The following LOXHD1 variants were observed in gnomAD, a reference collection of about 807,000 sequenced individuals.
LOXHD1 encodes lipoxygenase homology PLAT domains 1.
Under a neutral mutation model 248.2 loss-of-function variants are expected in LOXHD1, and 205 were observed. The ratio of observed to expected loss-of-function variants is 0.83; its 90% CI spans 0.74 to 0.93. LOXHD1 has a LOEUF of 0.93. Among genes scored for constraint, LOXHD1 ranks in the 40% least tolerant of loss-of-function variants. LOXHD1 has a pLI of 0.00. For synonymous variants in LOXHD1, 1,113 were observed against 1,162.8 expected, an observed-to-expected ratio of 0.96 and a Z score of 0.87; for missense variants, 2,930 against 2,971.6, an observed-to-expected ratio of 0.99 and a Z score of 0.33.
At chr18:46,518,300 C>A in intron 33 of LOXHD1, 44 bp from the exon 34 acceptor site, 2 of 1,542,842 alleles carry the variant, frequency 1.3e-6, no homozygotes, top group Non-Finnish European at 1.8e-6. Flanking sequence ...GCCTCACCCT[C>A]CAACCCCACC....
Position 46,601,385 on chromosome 18 carries a change from C to G in LOXHD1, c.966G>C (p.Gly322=), listed in dbSNP as rs114082868. ...TCCCACTGTTCTTATTCCCTCTGGC[C>G]CCATACATGACCAAGTAGATTTTGG... ...TKSKIYLVMY[G]ARGNKNSGKI... is the part of the protein sequence containing the mutation. Residue 322 remains glycine (G), a synonymous_variant, in exon 8 of 41, where the codon GGG becomes GGC. Transcript: ENST00000642948. 5,998 of 1,551,654 alleles carry G rather than the reference C, an allele frequency of 3.9e-3. 170 individuals carry two copies. The African/African-American group carries it at 0.067, about 17-fold the overall frequency.
chr18:46,560,252 CGAGGACTCCTCTGAT>C lies in LOXHD1; in HGVS notation c.2877_2891del (p.Ser963_Glu967del), dbSNP rs2144012615. On this transcript the variant is annotated inframe_deletion, in exon 19 of 41. Transcript: ENST00000642948. ...CTTCTTCCATCTCCTCCTCCTCTGA[CGAGGACTCCTCTGAT>C]GAGGACGACTCCTCTTCCTCCCCCT... 3 of 1,551,366 alleles carry C rather than the reference CGAGGACTCCTCTGAT, an allele frequency of 1.9e-6. No homozygotes were observed. Among genetic ancestry groups the C allele is most frequent in the Non-Finnish European group, 2.6e-6 (3 of 1,146,522 alleles).
intron 37 of LOXHD1, 149 bp downstream of exon 37, chr18:46,505,689 G>A (rs1209900205): frequency 2.6e-6 from 2 of 770,384 alleles, no homozygotes; most frequent in Non-Finnish European, 4.2e-6. Flanking sequence ...TCATACTGAT[G>A]GAAGCATCAA....
Position 46,560,351 on chromosome 18 carries a change from C to T in LOXHD1, c.2793G>A (p.Arg931=), listed in dbSNP as rs931874288. The T allele has an allele frequency of 1.9e-6, 3 of 1,552,400 alleles. No individual in the cohort carries two copies. The highest frequency in any genetic ancestry group is 2.6e-6 in the Non-Finnish European group (3 of 1,147,698). ...DKLRQLLKKE[R]LKAKLQRKKK... is the part of the protein sequence containing the mutation. ...TCTTCCTCTGCAGCTTGGCCTTCAG[C>T]CGCTCCTTCTTGAGCAGCTGCCGCA... The change falls in exon 19 of 41, where the codon CGG becomes CGA. Residue 931 remains arginine (R), a synonymous_variant. Coordinates refer to ENST00000642948, the MANE Select transcript of LOXHD1 (RefSeq NM_001384474.1).
Position 46,557,885 on chromosome 18 carries a change from A to G in LOXHD1, c.3217-396T>C, listed in dbSNP as rs189543761. 217 of 1,128,968 alleles carry G rather than the reference A, an allele frequency of 1.9e-4. 2 individuals carry two copies. In the African/African-American group the frequency reaches 3.3e-3, roughly 17 times the overall value. The allele number at this position is 1,128,968 out of a possible 1,614,324, so 69.9% of individuals were successfully genotyped here. ...TGTGTGCATAATCTGCTTCAATCAC[A>G]TATTTGTATTAAGTACCTGCTATGA... On this transcript the variant is annotated intron_variant, in intron 20 of 40. Coordinates refer to ENST00000642948, the MANE Select transcript of LOXHD1 (RefSeq NM_001384474.1).
At chr18:46,642,098 C>T in intron 2 of LOXHD1, 62 bp from the exon 3 acceptor site, 1 of 1,451,582 alleles carries the variant, frequency 6.9e-7, no homozygotes. Context: ...GGGAGGAGAG[C>T]CAAGGGCTGG....
chr18:46,508,963 G>T (rs796428426), intron 35 of LOXHD1, among the ~76,000 whole-genome samples: 1 of 152,158 alleles, frequency 6.6e-6, no homozygotes, highest in Non-Finnish European at 1.5e-5. Flanking sequence ...GCACAGAGCC[G>T]CACAGCTGGG....
intron 14 of LOXHD1, 90 bp from the exon 15 acceptor site, chr18:46,572,252 C>G: frequency 8.7e-7 from 1 of 1,146,994 alleles, no homozygotes; most frequent in South Asian, 1.3e-5. Context: ...ACTATGGAGG[C>G]CCAGAGCTTT....
At chr18:46,545,117 A>G (rs2036740922) in intron 23 of LOXHD1, among the ~76,000 whole-genome samples, 200 bp downstream of exon 23, 1 of 152,232 alleles carries the variant, frequency 6.6e-6, no homozygotes, top group Non-Finnish European at 1.5e-5. Flanking sequence ...CTTCACCATT[A>G]GAACAGAAAA....
chr18:46,608,834 C>T (rs2038461536), intron 6 of LOXHD1, among the ~76,000 whole-genome samples: 2 of 152,208 alleles, frequency 1.3e-5, no homozygotes, highest in African/African-American at 4.8e-5. Context: ...TAGGGAGGTG[C>T]CCTCAAGGAA....
intron 2 of LOXHD1, among the ~76,000 whole-genome samples, chr18:46,644,831 C>T (rs138543626): frequency 8.5e-5 from 13 of 152,252 alleles, no homozygotes; most frequent in Non-Finnish European, 1.8e-4. Context: ...CATGGCATGG[C>T]GCTTTATAGT....
At chr18:46,478,726 T>C (rs1409818423) in intron 40 of LOXHD1, among the ~76,000 whole-genome samples, 2 of 152,146 alleles carry the variant, frequency 1.3e-5, no homozygotes, top group Non-Finnish European at 2.9e-5. Context: ...AGGGTATCAA[T>C]TTGCTACCCA....
intron 12 of LOXHD1, among the ~76,000 whole-genome samples, chr18:46,583,795 T>A (rs1441948928): frequency 1.3e-5 from 2 of 151,634 alleles, no homozygotes; most frequent in Non-Finnish European, 1.5e-5. Flanking sequence ...TCAAAAAAGT[T>A]AAAAATAGAA....
intron 25 of LOXHD1, 146 bp downstream of exon 25, chr18:46,541,630 A>T: frequency 1.3e-6 from 1 of 796,488 alleles, no homozygotes; most frequent in Non-Finnish European, 2.0e-6. Flanking sequence ...CCACAGAGTC[A>T]GAAAATTCAG....
intron 34 of LOXHD1, among the ~76,000 whole-genome samples, chr18:46,510,908 G>A (rs1335047288): frequency 1.3e-5 from 2 of 152,202 alleles, no homozygotes; most frequent in East Asian, 3.9e-4. Flanking sequence ...GTAAGGAGGT[G>A]CTCATGTCAC....
chr18:46,562,426 C>T (rs149830148), intron 18 of LOXHD1, among the ~76,000 whole-genome samples: 16 of 152,328 alleles, frequency 1.1e-4, no homozygotes, highest in East Asian at 3.9e-4. Context: ...TCCTAAGGGG[C>T]GCCACCCTTG....
chr18:46,598,275 TA>T lies in LOXHD1; in HGVS notation c.1134+2941del, dbSNP rs554079542. Among the ~76,000 whole-genome samples the T allele has an allele frequency of 2.5e-3, 376 of 152,230 alleles. 1 individual carries two copies. Among genetic ancestry groups the T allele is most frequent in the African/African-American group, 8.7e-3 (363 of 41,546 alleles). ...GATAAAATTTAACACCAATTCATCA[TA>T]AAAACTCCTTACAATATAAAAGTAG... On this transcript the variant is annotated intron_variant, in intron 8 of 40. Coordinates refer to ENST00000642948, the MANE Select transcript of LOXHD1 (RefSeq NM_001384474.1).
At chr18:46,589,614 T>C (rs1225297693) in intron 12 of LOXHD1, among the ~76,000 whole-genome samples, 1 of 152,218 alleles carries the variant, frequency 6.6e-6, no homozygotes, top group Non-Finnish European at 1.5e-5. Flanking sequence ...TAGCTGGTGG[T>C]GGGCCTAGGA....
chr18:46,500,255 A>T (rs1229979322), intron 37 of LOXHD1, among the ~76,000 whole-genome samples: 1 of 152,096 alleles, frequency 6.6e-6, no homozygotes, highest in Admixed American at 6.5e-5. Flanking sequence ...CTGCACTAAC[A>T]ACTTTTAGTT....
Sources: allele counts gnomAD v4.1 joint callset (sites outside exome capture counted in the v4.1 genomes callset), GRCh38; gene constraint gnomAD v4.1.1; transcripts MANE v1.5; gene names NCBI Gene and HGNC (gene_info 2026-07-23, HGNC 2026-07-21).